Variants in NCOA2 observed in about 807,000 individuals in gnomAD.
NCOA2 encodes class E basic helix-loop-helix protein 75.
In NCOA2, 21 loss-of-function variants were observed where a neutral mutation model predicts 145.1. The ratio of observed to expected loss-of-function variants is 0.14; its 90% CI spans 0.10 to 0.21. The LOEUF is 0.21. Among genes scored for constraint, NCOA2 ranks in the 10% least tolerant of loss-of-function variants. The pLI is 1.00. For missense variants in NCOA2, 1,472 were observed against 1,837.6 expected, an observed-to-expected ratio of 0.80 and a Z score of 3.64; for synonymous variants, 619 against 637.5, an observed-to-expected ratio of 0.97 and a Z score of 0.44.
intron 2 of NCOA2, among the ~76,000 whole-genome samples, chr8:70,274,136 T>C (rs968063816): frequency 2.6e-5 from 4 of 151,916 alleles, no homozygotes; most frequent in African/African-American, 4.8e-5. Flanking sequence ...CTTTATTTCA[T>C]TGACACCGAT....
intron 1 of NCOA2, among the ~76,000 whole-genome samples, chr8:70,344,649 T>C (rs1180078511): frequency 6.6e-6 from 1 of 152,146 alleles, no homozygotes; most frequent in Non-Finnish European, 1.5e-5. Context: ...GGATGAAAGA[T>C]AGATGGCTTC....
intron 1 of NCOA2, among the ~76,000 whole-genome samples, chr8:70,385,244 T>C (rs1055973443): frequency 2.0e-5 from 3 of 152,168 alleles, no homozygotes; most frequent in African/African-American, 7.2e-5. Context: ...GAACACCAAC[T>C]GTATGTCAAA....
At chr8:70,449,191 T>C in the NCOA2 span, among the ~76,000 whole-genome samples, 1 of 152,322 alleles carries the variant, frequency 6.6e-6, no homozygotes, top group Non-Finnish European at 1.5e-5. Context: ...ACAAGTTTCA[T>C]GTCCCTTATC....
chr8:70,360,179 G>C (rs1244890496), intron 1 of NCOA2, among the ~76,000 whole-genome samples: 1 of 152,116 alleles, frequency 6.6e-6, no homozygotes, highest in Non-Finnish European at 1.5e-5. Flanking sequence ...AATCAAATCA[G>C]GATCAATGAG....
At chr8:70,260,648 T>C (rs1426666514) in intron 2 of NCOA2, among the ~76,000 whole-genome samples, 1 of 152,240 alleles carries the variant, frequency 6.6e-6, no homozygotes, top group Non-Finnish European at 1.5e-5. Flanking sequence ...ACAAGCACAA[T>C]TATACAGTCA....
the NCOA2 span, among the ~76,000 whole-genome samples, chr8:70,445,879 A>G: frequency 5.9e-5 from 9 of 152,224 alleles, no homozygotes; most frequent in African/African-American, 2.2e-4. Flanking sequence ...CTGCTGCGCA[A>G]TCAGCACTTT....
chr8:70,358,289 AG>A (rs893153151), intron 1 of NCOA2, among the ~76,000 whole-genome samples: 5 of 152,206 alleles, frequency 3.3e-5, no homozygotes, highest in African/African-American at 9.7e-5. Context: ...AAAATATAAG[AG>A]GCCCTGAATA....
At chr8:70,144,555 T>C in intron 13 of NCOA2, 87 bp downstream of exon 13, 1 of 1,099,832 alleles carries the variant, frequency 9.1e-7, no homozygotes, top group South Asian at 1.5e-5. Flanking sequence ...AAAGTTCACT[T>C]GAAAAATTCT....
At chr8:70,254,759 G>A (rs2926703) in intron 2 of NCOA2, among the ~76,000 whole-genome samples, 114,527 of 151,386 alleles carry the variant, frequency 0.76, 44,484 homozygotes, top group Non-Finnish European at 0.84. Flanking sequence ...ACGGGTAAAG[G>A]AAGATGAAAA....
intron 2 of NCOA2, 21 bp from the exon 3 acceptor site, chr8:70,216,785 G>A (rs1236741246): frequency 6.8e-6 from 10 of 1,466,182 alleles, no homozygotes; most frequent in Admixed American, 6.8e-5. Context: ...AAACAGAGAA[G>A]AGGAAGAAAA....
intron 2 of NCOA2, among the ~76,000 whole-genome samples, chr8:70,243,500 C>A (rs1235278484): frequency 6.6e-6 from 1 of 151,868 alleles, no homozygotes; most frequent in Non-Finnish European, 1.5e-5. Context: ...CATACAGTGG[C>A]TTGTAATAAT....
At chr8:70,261,538 A>T (rs961122890) in intron 2 of NCOA2, among the ~76,000 whole-genome samples, 1 of 152,248 alleles carries the variant, frequency 6.6e-6, no homozygotes, top group South Asian at 2.1e-4. Context: ...ACATGTATAC[A>T]TATGTAAGTA....
chr8:70,319,572 G>T (rs1437589132), intron 1 of NCOA2, among the ~76,000 whole-genome samples: 1 of 129,024 alleles, frequency 7.8e-6, no homozygotes, highest in Non-Finnish European at 1.6e-5. Context: ...ATAAATAAAA[G>T]CTCTATTTAG....
the NCOA2 span, among the ~76,000 whole-genome samples, chr8:70,449,199 A>T: frequency 6.6e-6 from 1 of 152,206 alleles, no homozygotes; most frequent in Non-Finnish European, 1.5e-5. Context: ...CATGTCCCTT[A>T]TCAAAAATCT....
chr8:70,380,520 T>C (rs910870541), intron 1 of NCOA2, among the ~76,000 whole-genome samples: 1 of 152,208 alleles, frequency 6.6e-6, no homozygotes, highest in African/African-American at 2.4e-5. Context: ...AGCATTTACG[T>C]TGTTTCAGAC....
At chr8:70,362,259 A>C (rs966912838) in intron 1 of NCOA2, among the ~76,000 whole-genome samples, 5 of 152,214 alleles carry the variant, frequency 3.3e-5, no homozygotes, top group African/African-American at 7.2e-5. Flanking sequence ...TCAAAACCAT[A>C]CGTCTACGTT....
intron 2 of NCOA2, among the ~76,000 whole-genome samples, chr8:70,274,936 G>A (rs954853857): frequency 3.9e-5 from 6 of 152,060 alleles, no homozygotes; most frequent in African/African-American, 1.2e-4. Context: ...ATCATCTCCC[G>A]TAATTAAGAT....
Position 70,166,645 on chromosome 8 carries a change from G to C in NCOA2, c.651C>G (p.Asn217Lys). The C allele has an allele frequency of 6.2e-7, 1 of 1,613,932 alleles. No individual in the cohort carries two copies. Among genetic ancestry groups the C allele is most frequent in the Non-Finnish European group, 8.5e-7 (1 of 1,179,866 alleles). ...TTTCATATTTCTGATGAGCTTCCTG[G>C]TTATCATGACCCTCCTCTTCTGAAT... ...LPDSEEEGHD[N>K]QEAHQKYETM... Residue 217 changes from asparagine (N) to lysine (K), a missense_variant, in exon 7 of 23, where the codon AAC (asparagine) becomes AAG (lysine). Coordinates refer to ENST00000452400, the MANE Select transcript of NCOA2 (RefSeq NM_006540.4).
intron 4 of NCOA2, among the ~76,000 whole-genome samples, chr8:70,184,903 T>C (rs1815886050): frequency 6.6e-6 from 1 of 152,212 alleles, no homozygotes; most frequent in Non-Finnish European, 1.5e-5. Context: ...GACCTTCATT[T>C]GTCTTCTGGG....
Sources: gnomAD v4.1 joint callset for allele counts (sites outside exome capture counted in the v4.1 genomes callset) on GRCh38, gnomAD v4.1.1 for gene constraint, MANE v1.5 for transcripts, NCBI Gene and HGNC (gene_info 2026-07-23, HGNC 2026-07-21) for gene names.